Variants in EFL1 observed in about 807,000 individuals in gnomAD.
EFL1 encodes the protein elongation factor like GTPase 1, also known as elongation factor-like GTPase 1.
In EFL1, 76 loss-of-function variants were observed where a neutral mutation model predicts 126.7. The observed-to-expected ratio is 0.60, with a 90% CI of 0.50 to 0.73. The LOEUF (loss-of-function observed/expected upper bound fraction) is 0.73. Among genes scored for constraint, EFL1 ranks in the 30% least tolerant of loss-of-function variants. The pLI, the probability that EFL1 is intolerant of heterozygous loss-of-function variation, is 0.00. For missense variants in EFL1, 1,128 were observed against 1,343.2 expected, an observed-to-expected ratio of 0.84 and a Z score of 2.50; for synonymous variants, 410 against 448.4, an observed-to-expected ratio of 0.91 and a Z score of 1.08.
intron 12 of EFL1, among the ~76,000 whole-genome samples, chr15:82,223,707 T>C (rs903515934): frequency 1.3e-5 from 2 of 152,222 alleles, no homozygotes; most frequent in Non-Finnish European, 2.9e-5. Context: ...ATATCCTACA[T>C]TTGTTACTAC....
chr15:82,216,656 A>G (rs1384092100), intron 14 of EFL1, among the ~76,000 whole-genome samples: 1 of 152,184 alleles, frequency 6.6e-6, no homozygotes, highest in Non-Finnish European at 1.5e-5. Context: ...TAAATGAGGA[A>G]AAAATGAACC....
At position 82,138,798 on chromosome 15, in the gene EFL1, G is replaced by C. The variant is rs755329042; in HGVS notation, c.3034C>G (p.Gln1012Glu). Residue 1012 changes from glutamine to glutamate, a missense_variant, in exon 19 of 20, where the codon CAA (glutamine) becomes GAA (glutamate). Coordinates refer to ENST00000268206, the MANE Select transcript of EFL1 (RefSeq NM_024580.6). ...TCTGTCCCTTCTTTCATTTCTTCTT[G>C]AAGTACCCGACCTTCTCTCTTTGAC... ...VLSKREGRVL[Q>E]EEMKEGTDMF... is the part of the protein sequence containing the mutation. 9.3e-6 allele frequency: 15 copies of C among 1,613,716 alleles called. No individual in the cohort carries two copies. Among genetic ancestry groups the C allele is most frequent in the Non-Finnish European group, 1.3e-5 (15 of 1,179,878 alleles).
intron 13 of EFL1, 127 bp downstream of exon 13, chr15:82,219,951 A>G (rs1457293218): frequency 6.7e-7 from 1 of 1,485,822 alleles, no homozygotes; most frequent in Non-Finnish European, 9.0e-7. Flanking sequence ...AAACAAAACA[A>G]GAATGGAAAG....
At chr15:82,137,522 A>C (rs1054788111) in intron 19 of EFL1, among the ~76,000 whole-genome samples, 6 of 152,208 alleles carry the variant, frequency 3.9e-5, no homozygotes, top group African/African-American at 1.4e-4. Context: ...CAATGTCAGG[A>C]ACTAGGTTAG....
Position 82,214,778 on chromosome 15 carries a change from C to T in EFL1, c.1689G>A (p.Leu563=), listed in dbSNP as rs772583939. ...CCAGTTCCCTTCCCATCAGAAGATA[C>T]AGGTTTTCCAGAGCACAGTATGCCA... ...PHMAYCALEN[L]YLLMGRELEY... is the part of the protein sequence containing the mutation. The change falls in exon 15 of 20, where the codon CTG becomes CTA. Residue 563 remains leucine, a synonymous_variant. Transcript: ENST00000268206. The T allele has an allele frequency of 1.9e-6, 3 of 1,600,164 alleles. No individual in the cohort carries two copies. The highest frequency in any genetic ancestry group is 2.6e-6 in the Non-Finnish European group (3 of 1,173,486).
chr15:82,185,881 T>A (rs1023550827), intron 15 of EFL1, among the ~76,000 whole-genome samples: 1 of 152,164 alleles, frequency 6.6e-6, no homozygotes, highest in African/African-American at 2.4e-5. Context: ...AGTATTTTCT[T>A]AAAATTTAAA....
chr15:82,203,147 T>C (rs915832636), intron 15 of EFL1, among the ~76,000 whole-genome samples: 24 of 152,082 alleles, frequency 1.6e-4, no homozygotes, highest in Non-Finnish European at 3.4e-4. Context: ...CTCGTTAATA[T>C]TTAAGATATA....
At chr15:82,186,289 A>G (rs1380023493) in intron 15 of EFL1, among the ~76,000 whole-genome samples, 2 of 152,204 alleles carry the variant, frequency 1.3e-5, no homozygotes, top group Non-Finnish European at 2.9e-5. Context: ...ATTAATATCT[A>G]TAATATGCAA....
intron 19 of EFL1, among the ~76,000 whole-genome samples, chr15:82,133,519 C>T (rs1446685461): frequency 2.0e-5 from 3 of 152,084 alleles, no homozygotes; most frequent in African/African-American, 4.8e-5. Flanking sequence ...ACTGGTGAAA[C>T]CTGAACAAGT....
chr15:82,146,611 A>G (rs77426333), intron 18 of EFL1, among the ~76,000 whole-genome samples: 1 of 10,088 alleles, frequency 9.9e-5, no homozygotes. Flanking sequence ...TCAATTCGAG[A>G]AAAAAAAAAA....
chr15:82,207,149 A>G (rs539268212), intron 15 of EFL1, among the ~76,000 whole-genome samples: 14 of 152,148 alleles, frequency 9.2e-5, no homozygotes, highest in Admixed American at 2.0e-4. Context: ...AGATGTAGAA[A>G]AGACCATTTG....
At chr15:82,200,228 T>G (rs1201895365) in intron 15 of EFL1, among the ~76,000 whole-genome samples, 4 of 151,982 alleles carry the variant, frequency 2.6e-5, no homozygotes, top group Non-Finnish European at 2.9e-5. Context: ...ACGTAAAACA[T>G]TCAAAGAAAA....
chr15:82,138,425 A>AGAGAGAGTGT, intron 19 of EFL1, among the ~76,000 whole-genome samples: 2 of 46,250 alleles, frequency 4.3e-5, no homozygotes, highest in East Asian at 1.7e-3. Flanking sequence ...AGAGAGAGAG[A>AGAGAGAGTGT]GTGTATGTGT....
At chr15:82,226,686 G>C (rs778612089) in intron 11 of EFL1, among the ~76,000 whole-genome samples, 1 of 152,190 alleles carries the variant, frequency 6.6e-6, no homozygotes, top group Non-Finnish European at 1.5e-5. Context: ...GACATGCTCT[G>C]AAGACACATA....
intron 18 of EFL1, among the ~76,000 whole-genome samples, chr15:82,144,406 T>C (rs2073821074): frequency 6.6e-6 from 1 of 152,194 alleles, no homozygotes; most frequent in Non-Finnish European, 1.5e-5. Context: ...TACAAAATTA[T>C]TCCATCAATC....
At chr15:82,251,866 T>C (rs2075024683) in intron 4 of EFL1, among the ~76,000 whole-genome samples, 1 of 152,234 alleles carries the variant, frequency 6.6e-6, no homozygotes. Flanking sequence ...TTGTGTAAAA[T>C]TTTCACATAC....
intron 1 of EFL1, 188 bp from the exon 2 acceptor site, chr15:82,261,985 C>T (rs2075126693): frequency 1.9e-6 from 1 of 527,224 alleles, no homozygotes; most frequent in South Asian, 2.5e-5. Context: ...CAGTATCCTA[C>T]CACGATTACA....
At chr15:82,174,108 G>C (rs2074166499) in intron 15 of EFL1, 1 of 152,166 alleles carries the variant, frequency 6.6e-6, no homozygotes, top group African/African-American at 2.4e-5. Flanking sequence ...AGAATGGCGT[G>C]AACCCGGGAG....
intron 4 of EFL1, among the ~76,000 whole-genome samples, chr15:82,244,168 A>G (rs1567077350): frequency 6.6e-6 from 1 of 152,046 alleles, no homozygotes; most frequent in Admixed American, 6.5e-5. Flanking sequence ...GTTAACCTAA[A>G]TTTCAAAGGT....
Sources: gnomAD v4.1 joint callset for allele counts (sites outside exome capture counted in the v4.1 genomes callset) on GRCh38, gnomAD v4.1.1 for gene constraint, MANE v1.5 for transcripts, NCBI Gene and HGNC (gene_info 2026-07-23, HGNC 2026-07-21) for gene names.